Variants in EYA3 observed in about 807,000 individuals in gnomAD.
EYA3 encodes protein phosphatase EYA3.
Under a neutral mutation model 80.0 loss-of-function variants are expected in EYA3, and 39 were observed. The ratio of observed to expected loss-of-function variants is 0.49; its 90% confidence interval spans 0.38 to 0.64. The LOEUF (loss-of-function observed/expected upper bound fraction) is 0.64, where lower values mean the gene tolerates loss of function less well. EYA3 is among the 30% of genes least tolerant of loss of function. The probability of loss-of-function intolerance (pLI) is 0.00; values close to 1 mark genes in which losing one functional copy is unlikely to be tolerated. For synonymous variants in EYA3, 206 were observed against 232.8 expected (o/e 0.88, Z 1.05); for missense variants, 523 against 676.1 (o/e 0.77, Z 2.51).
At chr1:28,049,689 G>C (rs1279018812) in intron 2 of EYA3, among the ~76,000 whole-genome samples, 1 of 152,160 alleles carries the variant, frequency 6.6e-6, no homozygotes, top group Non-Finnish European at 1.5e-5. Context: ...CTCACTGAAA[G>C]AGGTGAGGGA....
chr1:28,054,096 T>C (rs1009923899), intron 2 of EYA3, among the ~76,000 whole-genome samples: 1 of 152,212 alleles, frequency 6.6e-6, no homozygotes, highest in Non-Finnish European at 1.5e-5. Context: ...TAAAAAGTCA[T>C]ATTCCATATG....
rs1638751835 is a variant in EYA3, at chr1:27,971,998, C to A, written c.*2468G>T. 3 of 152,230 alleles carry A rather than the reference C, an allele frequency of 2.0e-5. No individual in the cohort carries two copies. The highest frequency in any genetic ancestry group is 4.1e-4 in the South Asian group (2 of 4,824). 9.4% of individuals were successfully genotyped at this position (152,230 alleles called of 1,614,324 possible). Reference sequence around the variant, plus strand: ...CAAGTTCCTTTTGGAAAGAGCTAAGCTAGGAAGTCAGAGTAAGAGGAAAAA... The same window carrying A: ...CAAGTTCCTTTTGGAAAGAGCTAAGATAGGAAGTCAGAGTAAGAGGAAAAA... On this transcript the variant is annotated 3_prime_UTR_variant, in exon 18 of 18. Transcript: ENST00000373871.
At chr1:28,033,110 A>T (rs1412434520) in intron 6 of EYA3, among the ~76,000 whole-genome samples, 1 of 152,134 alleles carries the variant, frequency 6.6e-6, no homozygotes, top group Non-Finnish European at 1.5e-5. Context: ...ATTATAATGA[A>T]TTTTTCTGAA....
intron 7 of EYA3, among the ~76,000 whole-genome samples, chr1:28,018,536 C>A (rs1642223865): frequency 6.6e-6 from 1 of 152,172 alleles, no homozygotes; most frequent in Non-Finnish European, 1.5e-5. Context: ...TTAACAAAGT[C>A]CCCCAGAGAG....
intron 1 of EYA3, among the ~76,000 whole-genome samples, chr1:28,058,971 A>T (rs2148900527): frequency 6.6e-6 from 1 of 152,326 alleles, no homozygotes; most frequent in South Asian, 2.1e-4. Context: ...TTGCTTGTAT[A>T]TTTAATTAAA....
At chr1:28,052,283 C>T (rs1392938983) in intron 2 of EYA3, among the ~76,000 whole-genome samples, 1 of 152,152 alleles carries the variant, frequency 6.6e-6, no homozygotes, top group Non-Finnish European at 1.5e-5. Context: ...GGATTACAGG[C>T]ATGAGCCACT....
At chr1:27,994,664 G>A (rs1276844075) in intron 13 of EYA3, among the ~76,000 whole-genome samples, 2 of 152,126 alleles carry the variant, frequency 1.3e-5, no homozygotes, top group Non-Finnish European at 2.9e-5. Flanking sequence ...TTCAGCTTGC[G>A]GGGGGAAAAG....
chr1:27,993,154 A>C (rs1265234189), intron 14 of EYA3, among the ~76,000 whole-genome samples: 1 of 152,220 alleles, frequency 6.6e-6, no homozygotes, highest in African/African-American at 2.4e-5. Context: ...GTTTCCTTTA[A>C]AAAGGCATTT....
intron 12 of EYA3, 66 bp downstream of exon 12, chr1:27,999,894 A>G: frequency 1.6e-6 from 2 of 1,225,124 alleles, no homozygotes; most frequent in South Asian, 2.9e-5. Context: ...TATAATAAGC[A>G]AAAGCTCTAA....
chr1:28,036,324 C>T (rs1193990477), intron 5 of EYA3, among the ~76,000 whole-genome samples: 1 of 152,206 alleles, frequency 6.6e-6, no homozygotes, highest in African/African-American at 2.4e-5. Context: ...CTTATGCCTA[C>T]ATCTAGAATA....
At chr1:27,992,651 A>T (rs1268573625) in intron 14 of EYA3, among the ~76,000 whole-genome samples, 1 of 152,202 alleles carries the variant, frequency 6.6e-6, no homozygotes, top group Non-Finnish European at 1.5e-5. Flanking sequence ...ATATTTTCTC[A>T]AAAGAGTACC....
chr1:28,022,850 G>A (rs973330263), intron 7 of EYA3, among the ~76,000 whole-genome samples: 17 of 152,018 alleles, frequency 1.1e-4, no homozygotes, highest in African/African-American at 3.9e-4. Context: ...CCAAGTAGCT[G>A]GGACTACAGG....
chr1:28,057,625 T>G (rs1644478774), intron 2 of EYA3, among the ~76,000 whole-genome samples: 1 of 152,146 alleles, frequency 6.6e-6, no homozygotes, highest in African/African-American at 2.4e-5. Context: ...TCCTCACTAC[T>G]ACTACTTTTT....
At chr1:28,048,066 C>A (rs72658325) in intron 3 of EYA3, among the ~76,000 whole-genome samples, 5,695 of 152,130 alleles carry the variant, frequency 0.037, 150 homozygotes, top group South Asian at 0.074. Context: ...GTATATTGTA[C>A]GTCTGACTGA....
Position 27,971,925 on chromosome 1 carries a change from T to G in EYA3, c.*2541A>C, listed in dbSNP as rs1325281932. On this transcript the variant is annotated 3_prime_UTR_variant, in exon 18 of 18. Transcript: ENST00000373871. ...AAATGAGGGTGGCAACAACCAGGAA[T>G]GAGCAAAGACTGCTCTGCTCAGCCT... is the stretch of plus-strand genomic sequence containing the variant. 1 of 152,254 alleles carries G rather than the reference T, an allele frequency of 6.6e-6. No homozygotes were observed. The highest frequency in any genetic ancestry group is 2.4e-5 in the African/African-American group (1 of 41,454). The allele number at this position is 152,254 out of a possible 1,614,324, so 9.4% of individuals were successfully genotyped here.
chr1:27,978,905 T>C (rs1039067282), intron 16 of EYA3, among the ~76,000 whole-genome samples: 7 of 152,196 alleles, frequency 4.6e-5, no homozygotes, highest in Admixed American at 3.3e-4. Context: ...GAGGTTGCAG[T>C]GAGCCGAGAT....
rs1638837455 is a variant in EYA3 at position 27,974,350 on chromosome 1, A to G, written c.*116T>C. On this transcript the variant is annotated 3_prime_UTR_variant, in exon 18 of 18. Coordinates refer to ENST00000373871, the MANE Select transcript of EYA3 (RefSeq NM_001990.4). ...GAGAGAGAAAGAGAGAAAGAGAGAG[A>G]GATAGAGACAGAGACACAGAGAGAG... 7 of 643,318 alleles carry G rather than the reference A, an allele frequency of 1.1e-5. No homozygotes were observed. The highest frequency in any genetic ancestry group is 8.1e-5 in the Admixed American group (3 of 37,006). The allele number at this position is 643,318 out of a possible 1,614,324, so 39.9% of individuals were successfully genotyped here.
intron 1 of EYA3, among the ~76,000 whole-genome samples, 190 bp downstream of exon 1, chr1:28,088,334 A>C (rs951640462): frequency 1.3e-5 from 2 of 152,164 alleles, no homozygotes; most frequent in South Asian, 4.1e-4. Context: ...GAAGCGCGAG[A>C]AGGCTAAGCT....
intron 1 of EYA3, among the ~76,000 whole-genome samples, chr1:28,070,352 G>C (rs892533884): frequency 1.6e-4 from 25 of 152,118 alleles, no homozygotes; most frequent in African/African-American, 5.1e-4. Flanking sequence ...CTGAGGTCAG[G>C]AAATCGAGAC....
Sources: gnomAD v4.1 joint callset for allele counts (sites outside exome capture counted in the v4.1 genomes callset) on GRCh38, gnomAD v4.1.1 for gene constraint, MANE v1.5 for transcripts, NCBI Gene and HGNC (gene_info 2026-07-23, HGNC 2026-07-21) for gene names.